Variants in RPS6KC1 observed in about 807,000 individuals in gnomAD.
RPS6KC1 encodes the protein ribosomal protein S6 kinase C1.
A neutral mutation model predicts 103.8 loss-of-function variants in RPS6KC1; 54 were observed. The ratio of observed to expected loss-of-function variants is 0.52; its 90% CI spans 0.42 to 0.65. RPS6KC1 has a LOEUF of 0.65. Ranked by LOEUF, RPS6KC1 falls within the 30% of genes least tolerant of loss-of-function variation. RPS6KC1 has a pLI of 0.00. For missense variants in RPS6KC1, 1,151 were observed against 1,253.8 expected, an observed-to-expected ratio of 0.92 and a Z score of 1.24; for synonymous variants, 439 against 438.7, an observed-to-expected ratio of 1.00 and a Z score of -0.01.
chr1:213,294,257 A>T, the RPS6KC1 span, among the ~76,000 whole-genome samples: 1 of 152,216 alleles, frequency 6.6e-6, no homozygotes, highest in Non-Finnish European at 1.5e-5. Flanking sequence ...TTTACCATCC[A>T]TTGGATGAGA....
chr1:213,682,944 T>G, the RPS6KC1 span, among the ~76,000 whole-genome samples: 1 of 152,216 alleles, frequency 6.6e-6, no homozygotes, highest in Admixed American at 6.5e-5. Context: ...AACAGACATC[T>G]CCACACACTT....
At chr1:213,721,857 C>A in the RPS6KC1 span, among the ~76,000 whole-genome samples, 1 of 152,174 alleles carries the variant, frequency 6.6e-6, no homozygotes, top group African/African-American at 2.4e-5. Context: ...TCTCTCCTTC[C>A]TCCCTGCCCC....
At chr1:213,654,432 G>A in the RPS6KC1 span, among the ~76,000 whole-genome samples, 3 of 152,172 alleles carry the variant, frequency 2.0e-5, no homozygotes, top group South Asian at 2.1e-4. Flanking sequence ...TTAAGGAGGC[G>A]ACTTTGAATC....
At chr1:213,136,557 A>G (rs2086286201) in intron 6 of RPS6KC1, among the ~76,000 whole-genome samples, 1 of 152,206 alleles carries the variant, frequency 6.6e-6, no homozygotes, top group Admixed American at 6.5e-5. Context: ...CTTAAAAAAC[A>G]AAAATGATTG....
At chr1:213,290,772 G>A in the RPS6KC1 span, among the ~76,000 whole-genome samples, 3 of 152,172 alleles carry the variant, frequency 2.0e-5, no homozygotes, top group Non-Finnish European at 4.4e-5. Flanking sequence ...CATGGGGTGC[G>A]TGAGGGACCC....
chr1:213,180,115 A>C (rs2092170867), intron 8 of RPS6KC1, among the ~76,000 whole-genome samples: 1 of 152,162 alleles, frequency 6.6e-6, no homozygotes, highest in African/African-American at 2.4e-5. Context: ...ATATGCAAAA[A>C]TTGTATATGA....
chr1:213,306,683 G>GT, the RPS6KC1 span, among the ~76,000 whole-genome samples: 1 of 152,186 alleles, frequency 6.6e-6, no homozygotes, highest in Non-Finnish European at 1.5e-5. Flanking sequence ...TACTTGATTG[G>GT]TTGTAGACTG....
At chr1:213,140,984 C>T (rs772750721) in intron 6 of RPS6KC1, among the ~76,000 whole-genome samples, 1 of 151,722 alleles carries the variant, frequency 6.6e-6, no homozygotes, top group African/African-American at 2.4e-5. Flanking sequence ...GCAACCTCCC[C>T]CTCCCGGGTT....
At chr1:213,454,232 T>C in the RPS6KC1 span, among the ~76,000 whole-genome samples, 1 of 152,174 alleles carries the variant, frequency 6.6e-6, no homozygotes, top group Non-Finnish European at 1.5e-5. Context: ...ACAAAGACCA[T>C]GCTCTTTGAA....
intron 5 of RPS6KC1, among the ~76,000 whole-genome samples, chr1:213,127,537 T>C (rs2085118655): frequency 6.6e-6 from 1 of 152,238 alleles, no homozygotes; most frequent in Non-Finnish European, 1.5e-5. Context: ...TAGCTGCTTT[T>C]TTCATGGGAC....
intron 12 of RPS6KC1, among the ~76,000 whole-genome samples, chr1:213,249,473 C>T (rs576137358): frequency 6.6e-6 from 1 of 152,296 alleles, no homozygotes; most frequent in East Asian, 1.9e-4. Context: ...TCTGAAGCTC[C>T]TTTAATAGCC....
the RPS6KC1 span, among the ~76,000 whole-genome samples, chr1:213,801,246 GA>G: frequency 6.6e-6 from 1 of 151,864 alleles, no homozygotes; most frequent in Non-Finnish European, 1.5e-5. Context: ...TATTCAAGGA[GA>G]AAAAAAAGCA....
the RPS6KC1 span, among the ~76,000 whole-genome samples, chr1:213,635,238 T>C: frequency 2.0e-5 from 3 of 151,988 alleles, no homozygotes; most frequent in Non-Finnish European, 4.4e-5. Context: ...TTCCAATCAA[T>C]AGAAAAAGAG....
At chr1:213,446,608 C>T in the RPS6KC1 span, among the ~76,000 whole-genome samples, 1 of 152,174 alleles carries the variant, frequency 6.6e-6, no homozygotes, top group East Asian at 1.9e-4. Context: ...AGCCACAAAA[C>T]GCCTTCCCAC....
At chr1:213,658,457 A>T in the RPS6KC1 span, among the ~76,000 whole-genome samples, 1 of 152,208 alleles carries the variant, frequency 6.6e-6, no homozygotes. Flanking sequence ...GCCAGTAAGG[A>T]CAATAAAACT....
the RPS6KC1 span, among the ~76,000 whole-genome samples, chr1:213,436,464 C>T: frequency 6.6e-6 from 1 of 152,130 alleles, no homozygotes; most frequent in African/African-American, 2.4e-5. Flanking sequence ...GTTTTTTCAA[C>T]ATGGATGTCC....
chr1:213,206,425 T>A (rs1282284551), intron 8 of RPS6KC1, among the ~76,000 whole-genome samples: 1 of 152,236 alleles, frequency 6.6e-6, no homozygotes, highest in Non-Finnish European at 1.5e-5. Flanking sequence ...TGTTAGGTGC[T>A]GGACATATTA....
intron 6 of RPS6KC1, among the ~76,000 whole-genome samples, chr1:213,140,472 T>C (rs528166433): frequency 6.6e-6 from 1 of 152,242 alleles, no homozygotes; most frequent in African/African-American, 2.4e-5. Context: ...TGGCTGTGGG[T>C]TTGTCATGGA....
At chr1:213,661,458 C>T in the RPS6KC1 span, among the ~76,000 whole-genome samples, 2 of 152,188 alleles carry the variant, frequency 1.3e-5, no homozygotes, top group African/African-American at 4.8e-5. Context: ...AGGCACTGAC[C>T]TCGCCTTTCA....
Sources: gnomAD v4.1 joint callset for allele counts (sites outside exome capture counted in the v4.1 genomes callset) on GRCh38, gnomAD v4.1.1 for gene constraint, MANE v1.5 for transcripts, NCBI Gene and HGNC (gene_info 2026-07-23, HGNC 2026-07-21) for gene names.